The following ARHGAP29 variants were observed in gnomAD, a reference collection of about 807,000 sequenced individuals.
The protein encoded by ARHGAP29 is Rho GTPase activating protein 29, also known as rho GTPase-activating protein 29.
In ARHGAP29, 43 loss-of-function variants were observed where a neutral mutation model predicts 122.6. The ratio of observed to expected loss-of-function variants is 0.35; its 90% CI spans 0.27 to 0.45. ARHGAP29 has a LOEUF of 0.45. ARHGAP29 is among the 20% of genes least tolerant of loss of function. ARHGAP29 has a pLI of 1.00. For missense variants in ARHGAP29, 1,303 were observed against 1,477.2 expected, an observed-to-expected ratio of 0.88 and a Z score of 1.93; for synonymous variants, 506 against 497.1, an observed-to-expected ratio of 1.02 and a Z score of -0.24.
chr1:94,260,416 C>G (rs180841489), intron 1 of ARHGAP29, among the ~76,000 whole-genome samples: 158 of 152,300 alleles, frequency 1.0e-3, no homozygotes, highest in Middle Eastern at 3.4e-3. Context: ...CATAGCAACT[C>G]TGAAGAAAGC....
chr1:94,302,391 C>G, the ARHGAP29 span: 19 of 349,384 alleles, frequency 5.4e-5, no homozygotes, highest in East Asian at 6.2e-4. Flanking sequence ...CCTCTGCCCC[C>G]TCTGCTGATG....
At position 94,174,265 on chromosome 1, in the gene ARHGAP29, C is replaced by T; in HGVS notation, c.3390G>A (p.Glu1130=). 1 of 1,614,184 alleles carries T rather than the reference C, an allele frequency of 6.2e-7. No homozygotes were observed. The change falls in exon 23 of 23, where the codon GAG becomes GAA. Residue 1130 remains glutamate, a synonymous_variant. Transcript: ENST00000260526. ...ATGCCTCTCTCACTGACCTGACTGG[C>T]TCTGCATATGGCTTACTGGGTTGAG... ...NATQPSKPYA[E]PVRSVREASE...
At chr1:94,251,327 G>C (rs963981355) in intron 1 of ARHGAP29, among the ~76,000 whole-genome samples, 5 of 151,796 alleles carry the variant, frequency 3.3e-5, no homozygotes, top group African/African-American at 1.2e-4. Context: ...CCACCACCAC[G>C]CCCGGCTAAT....
At chr1:94,201,644 A>G (rs1557856636) in intron 12 of ARHGAP29, 76 bp downstream of exon 12, 1 of 1,573,116 alleles carries the variant, frequency 6.4e-7, no homozygotes, top group African/African-American at 1.4e-5. Context: ...AAGTGCTGGG[A>G]TTACAGGTGT....
At chr1:94,312,747 C>A in the ARHGAP29 span, among the ~76,000 whole-genome samples, 1 of 152,078 alleles carries the variant, frequency 6.6e-6, no homozygotes, top group South Asian at 2.1e-4. Context: ...CTGGCCCCGT[C>A]TTCTTCTTTA....
chr1:94,249,678 G>A (rs1445373425), intron 1 of ARHGAP29, among the ~76,000 whole-genome samples: 7 of 151,982 alleles, frequency 4.6e-5, no homozygotes, highest in Non-Finnish European at 8.8e-5. Context: ...TTGAACCCAG[G>A]AGGCAGAGGT....
At chr1:94,254,792 T>C (rs918901799) in intron 1 of ARHGAP29, among the ~76,000 whole-genome samples, 3 of 152,188 alleles carry the variant, frequency 2.0e-5, no homozygotes, top group African/African-American at 7.2e-5. Flanking sequence ...GTGAAGATGT[T>C]TCACAGAGAG....
At chr1:94,293,737 G>T in the ARHGAP29 span, among the ~76,000 whole-genome samples, 2 of 152,182 alleles carry the variant, frequency 1.3e-5, no homozygotes, top group South Asian at 2.1e-4. Context: ...GCAGGAAAGG[G>T]TGCACAACTT....
At chr1:94,292,982 C>T in the ARHGAP29 span, among the ~76,000 whole-genome samples, 1 of 152,204 alleles carries the variant, frequency 6.6e-6, no homozygotes, top group East Asian at 1.9e-4. Flanking sequence ...AAAACCACTG[C>T]TCTCTTCAGA....
intron 3 of ARHGAP29, among the ~76,000 whole-genome samples, chr1:94,209,785 T>C (rs1259746240): frequency 7.2e-6 from 1 of 138,458 alleles, no homozygotes; most frequent in African/African-American, 2.7e-5. Flanking sequence ...TTTTTTAGTA[T>C]GAATTACCAA....
chr1:94,204,888 A>AAATACTCACTAATTCCATCTAGTGTAAG (rs1651095410), intron 7 of ARHGAP29, among the ~76,000 whole-genome samples, 173 bp downstream of exon 7: 1 of 152,174 alleles, frequency 6.6e-6, no homozygotes. Flanking sequence ...GGTCCACAGT[A>AAATACTCACTAATTCCATCTAGTGTAAG]AATACTCACT....
intron 1 of ARHGAP29, among the ~76,000 whole-genome samples, chr1:94,256,634 C>T (rs1333424841): frequency 7.3e-6 from 1 of 136,400 alleles, no homozygotes; most frequent in African/African-American, 2.8e-5. Context: ...TCTCGGCTCA[C>T]TGCAAGCTCC....
At chr1:94,225,027 A>C (rs1330376917) in intron 2 of ARHGAP29, among the ~76,000 whole-genome samples, 1 of 152,200 alleles carries the variant, frequency 6.6e-6, no homozygotes, top group South Asian at 2.1e-4. Flanking sequence ...GAAAAAGGTA[A>C]TCACAAAGGT....
rs1648876472 is a variant in ARHGAP29 at position 94,173,404 on chromosome 1, G to A, written c.*465C>T. 1 of 154,108 alleles carries A rather than the reference G, an allele frequency of 6.5e-6. No individual in the cohort carries two copies. The highest frequency in any genetic ancestry group is 1.4e-5 in the Non-Finnish European group (1 of 69,016). 9.5% of individuals were successfully genotyped at this position (154,108 alleles called of 1,614,324 possible). ...GGTGAAAGATGCACTATAAAATTGT[G>A]TGACAAAACATATGCATACCAACAA... On this transcript the variant is annotated 3_prime_UTR_variant, in exon 23 of 23. Coordinates refer to ENST00000260526, the MANE Select transcript of ARHGAP29 (RefSeq NM_004815.4).
At chr1:94,216,415 A>T (rs1651959697) in intron 3 of ARHGAP29, among the ~76,000 whole-genome samples, 1 of 152,214 alleles carries the variant, frequency 6.6e-6, no homozygotes, top group Non-Finnish European at 1.5e-5. Flanking sequence ...AAAAAAGAGA[A>T]CACATCCGTG....
chr1:94,222,863 TAA>T (rs1349704088), intron 2 of ARHGAP29, among the ~76,000 whole-genome samples: 2 of 152,118 alleles, frequency 1.3e-5, no homozygotes, highest in Non-Finnish European at 2.9e-5. Flanking sequence ...TTCTAAAAAA[TAA>T]AAGTCTATTT....
the ARHGAP29 span, among the ~76,000 whole-genome samples, chr1:94,300,365 A>G: frequency 1.3e-5 from 2 of 152,172 alleles, no homozygotes; most frequent in Non-Finnish European, 2.9e-5. Flanking sequence ...TAAAGAAACC[A>G]GTTTCAAGCC....
chr1:94,247,246 G>T (rs1238327376), intron 1 of ARHGAP29, among the ~76,000 whole-genome samples: 2 of 152,108 alleles, frequency 1.3e-5, no homozygotes, highest in African/African-American at 4.8e-5. Context: ...ATTCCGCAGT[G>T]AGGCGATGAG....
At chr1:94,292,185 T>C in the ARHGAP29 span, among the ~76,000 whole-genome samples, 257 of 152,268 alleles carry the variant, frequency 1.7e-3, 1 homozygote, top group Non-Finnish European at 2.9e-3. Flanking sequence ...TTGTCTTCTC[T>C]CTCTATTTCA....
Sources: gnomAD v4.1 joint callset for allele counts (sites outside exome capture counted in the v4.1 genomes callset) on GRCh38, gnomAD v4.1.1 for gene constraint, MANE v1.5 for transcripts, NCBI Gene and HGNC (gene_info 2026-07-23, HGNC 2026-07-21) for gene names.